Variants in SPATA6L observed in about 807,000 individuals in gnomAD.
The protein encoded by SPATA6L is spermatogenesis associated 6-like protein.
SPATA6L carries 68 observed loss-of-function variants against 49.2 expected under a neutral mutation model. That is an observed-to-expected ratio of 1.38 (90% CI 1.14 to 1.69). The LOEUF is 1.69. SPATA6L is among the 40% of genes most tolerant of loss of function. The pLI is 0.00. For missense variants in SPATA6L, 668 were observed against 464.3 expected, an observed-to-expected ratio of 1.44 and a Z score of -4.03; for synonymous variants, 198 against 165.7, an observed-to-expected ratio of 1.19 and a Z score of -1.50.
intron 2 of SPATA6L, among the ~76,000 whole-genome samples, chr9:4,661,277 T>C (rs1839660644): frequency 6.6e-6 from 1 of 152,184 alleles, no homozygotes; most frequent in Non-Finnish European, 1.5e-5. Flanking sequence ...AAAACAAAAA[T>C]GTTAAGAGAT....
intron 13 of SPATA6L, among the ~76,000 whole-genome samples, chr9:4,592,976 T>G (rs1263800078): frequency 6.6e-6 from 1 of 152,228 alleles, no homozygotes; most frequent in South Asian, 2.1e-4. Context: ...GCACTAACTA[T>G]GTGCTGAGAT....
chr9:4,630,421 A>C (rs1211424137), intron 4 of SPATA6L, among the ~76,000 whole-genome samples: 1 of 152,206 alleles, frequency 6.6e-6, no homozygotes, highest in African/African-American at 2.4e-5. Context: ...TGACTAAATT[A>C]CACTGTCTCC....
chr9:4,653,495 T>C (rs79906357), intron 3 of SPATA6L, among the ~76,000 whole-genome samples: 5,226 of 152,158 alleles, frequency 0.034, 282 homozygotes, highest in African/African-American at 0.12. Context: ...AAAGGAAAAA[T>C]AGATAAACTG....
intron 7 of SPATA6L, among the ~76,000 whole-genome samples, chr9:4,619,878 G>C (rs1828873781): frequency 6.6e-6 from 1 of 152,114 alleles, no homozygotes; most frequent in African/African-American, 2.4e-5. Context: ...TGAAGACTAG[G>C]TTGGATTTTT....
intron 9 of SPATA6L, among the ~76,000 whole-genome samples, chr9:4,605,893 G>C (rs914550347): frequency 6.6e-6 from 1 of 152,226 alleles, no homozygotes; most frequent in Non-Finnish European, 1.5e-5. Flanking sequence ...ATTTCCATCT[G>C]AGGTAGCGGG....
intron 7 of SPATA6L, among the ~76,000 whole-genome samples, chr9:4,622,002 G>A (rs969529859): frequency 6.6e-6 from 1 of 152,178 alleles, no homozygotes; most frequent in African/African-American, 2.4e-5. Flanking sequence ...ATCTTGTAAA[G>A]CAAATGTTAC....
At chr9:4,636,177 A>G (rs1261984763) in intron 3 of SPATA6L, among the ~76,000 whole-genome samples, 1 of 152,122 alleles carries the variant, frequency 6.6e-6, no homozygotes, top group East Asian at 1.9e-4. Context: ...TCAAGGAACA[A>G]TTGTATTTTG....
In SPATA6L at chr9:4,615,509, C is replaced by T. The variant is rs190704723; in HGVS notation, c.995+2414G>A. 3.3e-5 allele frequency among the ~76,000 whole-genome samples: 5 copies of T among 152,304 alleles called. No individual in the cohort carries two copies. The East Asian group carries it at 7.7e-4, about 24-fold the overall frequency. On this transcript the variant is annotated intron_variant, in intron 9 of 11. Coordinates refer to ENST00000682582, the MANE Select transcript of SPATA6L (RefSeq NM_001353486.2). ...AGAGTTGAGAATTGCTGGCCTGCTGCATAAAGACACTCAGGAAAGGCTGGC... is the reference window on the plus strand; with the variant it reads ...AGAGTTGAGAATTGCTGGCCTGCTGTATAAAGACACTCAGGAAAGGCTGGC...
chr9:4,640,746 C>A (rs1335200744), intron 3 of SPATA6L, among the ~76,000 whole-genome samples: 1 of 152,064 alleles, frequency 6.6e-6, no homozygotes, highest in Non-Finnish European at 1.5e-5. Flanking sequence ...TGTACTACAT[C>A]TGAAGCTAAG....
chr9:4,626,288 TATC>T (rs1830332603), intron 5 of SPATA6L: 1 of 985,932 alleles, frequency 1.0e-6, no homozygotes, highest in Non-Finnish European at 1.3e-6. Flanking sequence ...CCTCCAGACA[TATC>T]AGCGGCAGCT....
rs1438834832 is a variant in SPATA6L, at chr9:4,662,298, C to A, written c.40-262G>T. On this transcript the variant is annotated intron_variant, in intron 1 of 11. Coordinates refer to ENST00000682582, the MANE Select transcript of SPATA6L (RefSeq NM_001353486.2). The surrounding 1 kb of genome is among the most constrained non-coding windows in gnomAD (Gnocchi z 4.9). ...TCCCCGCCCCTCCGGGATGGTAGTG[C>A]GGAAGCGGAAGAGGCTGCAGGGCCG... 6.3e-6 allele frequency: 9 copies of A among 1,434,720 alleles called. No individual in the cohort carries two copies. Among genetic ancestry groups the A allele is most frequent in the African/African-American group, 1.4e-5 (1 of 69,636 alleles). 88.9% of individuals were successfully genotyped at this position (1,434,720 alleles called of 1,614,324 possible). A position where few individuals can be genotyped will look rare whatever the true frequency, so the allele number is the denominator to read the frequency against.
intron 3 of SPATA6L, among the ~76,000 whole-genome samples, chr9:4,644,683 T>TCACACACA (rs1219248281): frequency 9.5e-5 from 13 of 136,430 alleles, no homozygotes; most frequent in African/African-American, 3.5e-4. Flanking sequence ...TCTCTCTCTC[T>TCACACACA]CTCACACACA....
At chr9:4,661,416 G>C (rs946177389) in intron 2 of SPATA6L, among the ~76,000 whole-genome samples, 2 of 152,126 alleles carry the variant, frequency 1.3e-5, no homozygotes, top group Non-Finnish European at 2.9e-5. Flanking sequence ...TATCACTGTA[G>C]CTAAATAATC....
intron 3 of SPATA6L, among the ~76,000 whole-genome samples, chr9:4,636,499 C>G (rs1407261190): frequency 1.3e-5 from 2 of 152,174 alleles, no homozygotes; most frequent in East Asian, 3.8e-4. Flanking sequence ...TCTGAATCAC[C>G]TTTGACCACA....
chr9:4,641,984 A>G (rs1005541688), intron 3 of SPATA6L, among the ~76,000 whole-genome samples: 1 of 152,110 alleles, frequency 6.6e-6, no homozygotes, highest in Non-Finnish European at 1.5e-5. Flanking sequence ...CCCGGGCTGT[A>G]CCTGAACTCC....
chr9:4,589,947 G>A (rs867527414), intron 13 of SPATA6L, among the ~76,000 whole-genome samples: 12 of 152,206 alleles, frequency 7.9e-5, no homozygotes, highest in Admixed American at 2.0e-4. Flanking sequence ...ATTTTGACAC[G>A]GAGTCTCACT....
chr9:4,594,414 GTGTT>G (rs1310399974), downstream of SPATA6L, among the ~76,000 whole-genome samples: 1 of 152,088 alleles, frequency 6.6e-6, no homozygotes, highest in Non-Finnish European at 1.5e-5. Flanking sequence ...GGGTTTCACC[GTGTT>G]AGCCAGGATG....
chr9:4,627,951 A>G, intron 5 of SPATA6L: 3 of 509,870 alleles, frequency 5.9e-6, no homozygotes, highest in South Asian at 5.4e-5. Flanking sequence ...TCTTGCAACA[A>G]CGTGGATGGA....
chr9:4,636,125 A>G (rs1470561898), intron 3 of SPATA6L, among the ~76,000 whole-genome samples: 2 of 146,396 alleles, frequency 1.4e-5, no homozygotes, highest in African/African-American at 5.4e-5. Context: ...TTTTTTTTGC[A>G]TAATTTGGAA....
Sources: gnomAD v4.1 joint callset for allele counts (sites outside exome capture counted in the v4.1 genomes callset) on GRCh38, gnomAD v4.1.1 for gene constraint, Gnocchi (gnomAD v3.1) non-coding constraint, MANE v1.5 for transcripts, NCBI Gene and HGNC (gene_info 2026-07-23, HGNC 2026-07-21) for gene names.